KCNIP1: variants seen among roughly 807,000 people sequenced by gnomAD.
KCNIP1 encodes the protein A-type potassium channel modulatory protein KCNIP1.
KCNIP1 carries 18 observed loss-of-function variants against 33.0 expected under a neutral mutation model. The ratio of observed to expected loss-of-function variants is 0.55; its 90% CI spans 0.38 to 0.81. The LOEUF (loss-of-function observed/expected upper bound fraction) is 0.81, where lower values mean the gene tolerates loss of function less well. Among genes scored for constraint, KCNIP1 ranks in the 30% least tolerant of loss-of-function variants. The pLI, the probability that KCNIP1 is intolerant of heterozygous loss-of-function variation, is 0.00. For missense variants in KCNIP1, 238 were observed against 271.6 expected (o/e 0.88, Z 0.87); for synonymous variants, 93 against 98.3 (o/e 0.95, Z 0.32).
chr5:170,729,553 C>T (rs560553516), intron 5 of KCNIP1, among the ~76,000 whole-genome samples: 189 of 151,874 alleles, frequency 1.2e-3, no homozygotes, highest in Middle Eastern at 6.8e-3. Flanking sequence ...CTCTCACAAT[C>T]CAGTCAGAAA....
At chr5:170,420,746 C>T (rs1410805897) in intron 1 of KCNIP1, 3 of 152,144 alleles carry the variant, frequency 2.0e-5, no homozygotes, top group Non-Finnish European at 4.4e-5. Context: ...ACTGTATATT[C>T]AAAATAGTAT....
chr5:170,585,780 G>C (rs983762739), intron 1 of KCNIP1, among the ~76,000 whole-genome samples: 7 of 152,208 alleles, frequency 4.6e-5, no homozygotes, highest in African/African-American at 1.4e-4. Context: ...GCACATGACA[G>C]ATGTTCACAT....
At chr5:170,389,107 C>T (rs1390011940) in intron 1 of KCNIP1, among the ~76,000 whole-genome samples, 1 of 152,158 alleles carries the variant, frequency 6.6e-6, no homozygotes, top group Admixed American at 6.5e-5. Flanking sequence ...CACCAGACCA[C>T]GGGCCCTCCA....
intron 1 of KCNIP1, among the ~76,000 whole-genome samples, chr5:170,360,087 G>A (rs1206213416): frequency 6.6e-6 from 1 of 152,184 alleles, no homozygotes; most frequent in Non-Finnish European, 1.5e-5. Context: ...GGGAGAAGTG[G>A]ATCTAGTCAG....
intron 1 of KCNIP1, among the ~76,000 whole-genome samples, chr5:170,468,199 T>A (rs1756649801): frequency 6.6e-6 from 1 of 152,192 alleles, no homozygotes; most frequent in African/African-American, 2.4e-5. Context: ...TTTAGAAGTT[T>A]AATGAATTAG....
intron 1 of KCNIP1, among the ~76,000 whole-genome samples, chr5:170,709,562 T>C (rs1763375324): frequency 6.6e-6 from 1 of 152,244 alleles, no homozygotes; most frequent in South Asian, 2.1e-4. Flanking sequence ...CAGGGTTTGG[T>C]TTATATCTGA....
intron 1 of KCNIP1, among the ~76,000 whole-genome samples, chr5:170,392,493 A>C (rs1754629220): frequency 6.6e-6 from 1 of 152,180 alleles, no homozygotes; most frequent in African/African-American, 2.4e-5. Context: ...AAAACACCTG[A>C]GATTGCTATA....
At chr5:170,586,885 A>G (rs1026944758) in intron 1 of KCNIP1, among the ~76,000 whole-genome samples, 1 of 152,210 alleles carries the variant, frequency 6.6e-6, no homozygotes, top group Non-Finnish European at 1.5e-5. Flanking sequence ...TATGCCTGCC[A>G]CTGTGCTCAG....
chr5:170,549,533 T>C lies in KCNIP1; in HGVS notation c.61+44900T>C, dbSNP rs149916311. On this transcript the variant is annotated intron_variant, in intron 1 of 7. Coordinates refer to ENST00000328939, the MANE Select transcript of KCNIP1 (RefSeq NM_014592.4). ...ATCTGTCTCTTAACCAGATTAATAG[T>C]ATAATTAAGGAAATCTGGGATGATG... Among the ~76,000 whole-genome samples, 33 of 152,334 alleles carry C rather than the reference T, an allele frequency of 2.2e-4. No individual in the cohort carries two copies. In the East Asian group the frequency reaches 6.4e-3, roughly 29 times the overall value.
chr5:170,681,242 C>G (rs35636674), intron 1 of KCNIP1: 38,619 of 398,224 alleles, frequency 0.097, 2,240 homozygotes, highest in African/African-American at 0.17. Context: ...GTTGCTGTGA[C>G]AGTCGTTTCG....
At chr5:170,531,431 G>C (rs551557932) in intron 1 of KCNIP1, among the ~76,000 whole-genome samples, 86 of 152,276 alleles carry the variant, frequency 5.6e-4, no homozygotes, top group African/African-American at 2.0e-3. Context: ...AGGTTCCAGG[G>C]ACGCTTAAGC....
chr5:170,605,770 C>CTTTT (rs766469605), intron 1 of KCNIP1, among the ~76,000 whole-genome samples: 49 of 102,308 alleles, frequency 4.8e-4, no homozygotes, highest in East Asian at 8.8e-4. Flanking sequence ...CAACCCTGTT[C>CTTTT]TTTTTTTTTT....
intron 1 of KCNIP1, among the ~76,000 whole-genome samples, chr5:170,534,169 G>A: frequency 6.6e-6 from 1 of 152,234 alleles, no homozygotes; most frequent in Non-Finnish European, 1.5e-5. Context: ...TTTATAAAGA[G>A]GTTGCAGAAG....
chr5:170,656,768 G>A (rs1377246620), intron 1 of KCNIP1, among the ~76,000 whole-genome samples: 5 of 152,052 alleles, frequency 3.3e-5, no homozygotes, highest in East Asian at 1.9e-4. Flanking sequence ...GGTTCCAGCC[G>A]GACTGTGGAG....
At chr5:170,619,844 C>A (rs1420795265) in intron 1 of KCNIP1, among the ~76,000 whole-genome samples, 1 of 152,198 alleles carries the variant, frequency 6.6e-6, no homozygotes, top group African/African-American at 2.4e-5. Flanking sequence ...GCACTGTTAA[C>A]ACTGGATTCT....
rs1485673315 is a variant in KCNIP1, at chr5:170,704,113, A to G, written c.62-14645A>G. Among the ~76,000 whole-genome samples, 2 of 137,042 alleles carry G rather than the reference A, an allele frequency of 1.5e-5. 1 individual carries two copies. The highest frequency in any genetic ancestry group is 3.1e-5 in the Non-Finnish European group (2 of 65,516). 89.9% of individuals were successfully genotyped at this position (137,042 alleles called of 152,430 possible). A position where few individuals can be genotyped will look rare whatever the true frequency, so the allele number is the denominator to read the frequency against. Reference sequence around the variant, plus strand: ...CTTACGCCATGTTTTAAGGGTGGATAGGATTAGTGCCAGATGATCACATGC... The same window carrying G: ...CTTACGCCATGTTTTAAGGGTGGATGGGATTAGTGCCAGATGATCACATGC... On this transcript the variant is annotated intron_variant, in intron 1 of 7. Transcript: ENST00000328939.
At chr5:170,608,935 C>A (rs1255743095) in intron 1 of KCNIP1, among the ~76,000 whole-genome samples, 1 of 152,156 alleles carries the variant, frequency 6.6e-6, no homozygotes, top group Non-Finnish European at 1.5e-5. Flanking sequence ...GCAGGGAAGG[C>A]TATCCTGGCT....
chr5:170,605,499 G>A (rs1464910316), intron 1 of KCNIP1, among the ~76,000 whole-genome samples: 5 of 152,088 alleles, frequency 3.3e-5, no homozygotes, highest in African/African-American at 1.2e-4. Context: ...ATTCACAACG[G>A]CATGCAGCCA....
At chr5:170,730,544 A>G (rs777373790) in intron 5 of KCNIP1, among the ~76,000 whole-genome samples, 1 of 152,186 alleles carries the variant, frequency 6.6e-6, no homozygotes, top group Non-Finnish European at 1.5e-5. Flanking sequence ...AAAAAAAAAT[A>G]TCAGACAGGA....
Sources: gnomAD v4.1 joint callset for allele counts (sites outside exome capture counted in the v4.1 genomes callset) on GRCh38, gnomAD v4.1.1 for gene constraint, MANE v1.5 for transcripts, NCBI Gene and HGNC (gene_info 2026-07-23, HGNC 2026-07-21) for gene names.